EIF4ENIF1: variants seen among roughly 807,000 people sequenced by gnomAD.
EIF4ENIF1 encodes the protein eukaryotic translation initiation factor 4E nuclear import factor 1.
Under a neutral mutation model 110.5 loss-of-function variants are expected in EIF4ENIF1, and 23 were observed. The observed-to-expected ratio is 0.21, with a 90% confidence interval of 0.15 to 0.29. The LOEUF (loss-of-function observed/expected upper bound fraction) is 0.29, where lower values mean the gene tolerates loss of function less well. Ranked by LOEUF, EIF4ENIF1 falls within the 10% of genes least tolerant of loss-of-function variation. The pLI is 1.00. For missense variants in EIF4ENIF1, 1,031 were observed against 1,221.1 expected (o/e 0.84, Z 2.32); for synonymous variants, 440 against 437.0 (o/e 1.01, Z -0.09).
intron 2 of EIF4ENIF1, among the ~76,000 whole-genome samples, chr22:31,480,521 G>C (rs991331921): frequency 6.6e-6 from 1 of 152,082 alleles, no homozygotes; most frequent in African/African-American, 2.4e-5. Flanking sequence ...ACTTTGGGAG[G>C]GTGAGACGGG....
At chr22:31,454,119 TG>T (rs1182110636) in intron 10 of EIF4ENIF1, 24 bp downstream of exon 10, 2 of 1,586,558 alleles carry the variant, frequency 1.3e-6, no homozygotes, top group Non-Finnish European at 1.7e-6. Flanking sequence ...GAGAAAAGGG[TG>T]GGGGGTTTGT....
At chr22:31,487,461 A>C (rs1008427126) in intron 2 of EIF4ENIF1, among the ~76,000 whole-genome samples, 1 of 152,166 alleles carries the variant, frequency 6.6e-6, no homozygotes, top group Non-Finnish European at 1.5e-5. Context: ...AGCATTAACC[A>C]ATCAGTATCC....
chr22:31,487,683 A>G (rs912554333), intron 2 of EIF4ENIF1, among the ~76,000 whole-genome samples: 1 of 151,478 alleles, frequency 6.6e-6, no homozygotes, highest in Non-Finnish European at 1.5e-5. Context: ...CCAGCTACTC[A>G]GGAGACTGAG....
intron 9 of EIF4ENIF1, 48 bp downstream of exon 9, chr22:31,455,088 C>T (rs1259354598): frequency 2.0e-6 from 3 of 1,512,412 alleles, no homozygotes; most frequent in African/African-American, 1.4e-5. Context: ...GAAGACTGAA[C>T]ATCTAGACCT....
chr22:31,467,641 G>A (rs112601379), intron 4 of EIF4ENIF1, among the ~76,000 whole-genome samples: 2,092 of 152,114 alleles, frequency 0.014, 54 homozygotes, highest in African/African-American at 0.047. Context: ...TGGCCAAGAT[G>A]GTGAAACCCC....
rs577264734 is a variant in EIF4ENIF1, at chr22:31,447,358, A to G, written c.1988+68T>C. On this transcript the variant is annotated intron_variant, in intron 14 of 18. Transcript: ENST00000330125. The stretch of plus-strand genomic sequence containing the variant: ...TATGTACAACAGAATTATACTGCAG[A>G]TAAGTAATTTATTAGTTTCAGGAAA... 7.6e-6 allele frequency: 12 copies of G among 1,585,248 alleles called. 1 individual carries two copies. Among genetic ancestry groups the G allele is most frequent in the Non-Finnish European group, 1.0e-5 (12 of 1,162,636 alleles).
intron 2 of EIF4ENIF1, among the ~76,000 whole-genome samples, chr22:31,473,723 A>C (rs2051470973): frequency 6.6e-6 from 1 of 152,184 alleles, no homozygotes; most frequent in Admixed American, 6.5e-5. Context: ...CATGATGTTC[A>C]TCTGTCCTTT....
chr22:31,454,074 C>A, intron 10 of EIF4ENIF1, 70 bp downstream of exon 10: 2 of 1,409,654 alleles, frequency 1.4e-6, no homozygotes, highest in African/African-American at 1.4e-5. Context: ...TTTAAAAATC[C>A]TTTTATTGTG....
chr22:31,445,957 C>A (rs555140135), intron 14 of EIF4ENIF1, among the ~76,000 whole-genome samples: 3 of 146,366 alleles, frequency 2.0e-5, no homozygotes, highest in African/African-American at 5.0e-5. Flanking sequence ...CGTACCGCCC[C>A]CCCCCCCCAT....
intron 3 of EIF4ENIF1, 32 bp downstream of exon 3, chr22:31,471,812 G>C: frequency 1.3e-6 from 2 of 1,544,928 alleles, no homozygotes; most frequent in East Asian, 4.7e-5. Context: ...TTATTGACTA[G>C]AAGTAGTTAA....
At chr22:31,456,450 C>T (rs967278079) in intron 7 of EIF4ENIF1, among the ~76,000 whole-genome samples, 20 of 152,046 alleles carry the variant, frequency 1.3e-4, no homozygotes, top group South Asian at 2.1e-4. Flanking sequence ...GTCTCGATCT[C>T]CTGACCTTGT....
chr22:31,469,498 A>C (rs796068535), intron 3 of EIF4ENIF1, among the ~76,000 whole-genome samples: 9 of 152,340 alleles, frequency 5.9e-5, no homozygotes, highest in African/African-American at 2.2e-4. Context: ...TTTCAGTCTC[A>C]AACTCCTCAC....
chr22:31,456,990 C>A (rs896643937), intron 7 of EIF4ENIF1, among the ~76,000 whole-genome samples: 1 of 152,128 alleles, frequency 6.6e-6, no homozygotes, highest in African/African-American at 2.4e-5. Context: ...GTATGGGGAA[C>A]TGATGAAAGA....
chr22:31,467,028 C>G (rs747148186), intron 4 of EIF4ENIF1, among the ~76,000 whole-genome samples: 1 of 152,082 alleles, frequency 6.6e-6, no homozygotes, highest in Non-Finnish European at 1.5e-5. Context: ...TGAGTCAGTA[C>G]GTCATGAACA....
chr22:31,468,317 A>T lies in EIF4ENIF1; in HGVS notation c.171-15T>A. ...AGACACCATCACTACAGGTCAAAAAATACAACTGTTAGCACTTACGCCCAT... is the reference window on the plus strand; with the variant it reads ...AGACACCATCACTACAGGTCAAAAATTACAACTGTTAGCACTTACGCCCAT... On this transcript the variant is annotated splice_polypyrimidine_tract_variant and intron_variant, in intron 3 of 18. Transcript: ENST00000330125. 6.2e-7 allele frequency: 1 copy of T among 1,614,200 alleles called. No homozygotes were observed. The highest frequency in any genetic ancestry group is 8.5e-7 in the Non-Finnish European group (1 of 1,180,022).
At chr22:31,457,860 C>A (rs1165634466) in intron 7 of EIF4ENIF1, among the ~76,000 whole-genome samples, 1 of 152,098 alleles carries the variant, frequency 6.6e-6, no homozygotes, top group Admixed American at 6.6e-5. Flanking sequence ...ATAAGATAAG[C>A]ATGATACATC....
At chr22:31,441,294 T>C (rs73396290) in intron 17 of EIF4ENIF1, among the ~76,000 whole-genome samples, 2,089 of 151,608 alleles carry the variant, frequency 0.014, 54 homozygotes, top group African/African-American at 0.048. Context: ...TCCTGACACT[T>C]TGGGAGGCCG....
At chr22:31,486,218 C>T (rs563479592) in intron 2 of EIF4ENIF1, among the ~76,000 whole-genome samples, 7 of 151,252 alleles carry the variant, frequency 4.6e-5, no homozygotes, top group South Asian at 2.1e-4. Flanking sequence ...TGCAGTGAGC[C>T]GAGATAGCAT....
At chr22:31,492,169 T>A (rs1463873525), upstream of EIF4ENIF1, among the ~76,000 whole-genome samples, 1 of 152,164 alleles carries the variant, frequency 6.6e-6, no homozygotes, top group African/African-American at 2.4e-5. Context: ...CAGGGCTGGA[T>A]TCTAAGGGCA....
Sources: allele counts gnomAD v4.1 joint callset (sites outside exome capture counted in the v4.1 genomes callset), GRCh38; gene constraint gnomAD v4.1.1; transcripts MANE v1.5; gene names NCBI Gene and HGNC (gene_info 2026-07-23, HGNC 2026-07-21).